Variants in BOLL observed in about 807,000 individuals in gnomAD.
BOLL encodes the protein protein boule-like.
In BOLL, 23 loss-of-function variants were observed where a neutral mutation model predicts 44.4. That is an observed-to-expected ratio of 0.52 (90% CI 0.37 to 0.73). The LOEUF (loss-of-function observed/expected upper bound fraction) is 0.73. BOLL is among the 30% of genes least tolerant of loss of function. The pLI, the probability that BOLL is intolerant of heterozygous loss-of-function variation, is 0.00. For missense variants in BOLL, 287 were observed against 338.3 expected, an observed-to-expected ratio of 0.85 and a Z score of 1.19; for synonymous variants, 97 against 110.8, an observed-to-expected ratio of 0.88 and a Z score of 0.78.
At chr2:197,747,173 T>A (rs770666) in intron 9 of BOLL, among the ~76,000 whole-genome samples, 75,153 of 151,896 alleles carry the variant, frequency 0.49, 19,240 homozygotes, top group African/African-American at 0.6. Flanking sequence ...GGGGTAATCA[T>A]TTCACAGTGT....
At chr2:197,732,586 G>C (rs1559388093) in intron 10 of BOLL, among the ~76,000 whole-genome samples, 2 of 143,054 alleles carry the variant, frequency 1.4e-5, no homozygotes, top group Non-Finnish European at 3.1e-5. Context: ...AATGAATCCA[G>C]CAGCACATCA....
intron 10 of BOLL, among the ~76,000 whole-genome samples, chr2:197,737,672 G>C (rs1687556236): frequency 6.6e-6 from 1 of 152,100 alleles, no homozygotes. Context: ...ATACTCAAAT[G>C]AGGAAATGGT....
chr2:197,741,804 T>C (rs574154870), intron 10 of BOLL, among the ~76,000 whole-genome samples: 130 of 152,022 alleles, frequency 8.6e-4, no homozygotes, highest in African/African-American at 3.0e-3. Context: ...AAGCCAAAAT[T>C]GACAAATGGG....
rs113904083 is a variant in BOLL, at chr2:197,775,093, C to G, written c.352+572G>C. 6.3e-3 allele frequency among the ~76,000 whole-genome samples: 950 copies of G among 151,702 alleles called. 17 individuals are homozygous for G. Among genetic ancestry groups the G allele is most frequent in the African/African-American group, 0.021 (889 of 41,422 alleles). On this transcript the variant is annotated intron_variant, in intron 5 of 10. Transcript: ENST00000392296. The stretch of plus-strand genomic sequence containing the variant: ...GGTAAAAAGTTAACTATAAAGATGC[C>G]TAACTTAATAAGTAGAAAGAGTGAG...
chr2:197,771,391 A>C (rs533654211), intron 6 of BOLL, among the ~76,000 whole-genome samples: 1 of 151,898 alleles, frequency 6.6e-6, no homozygotes, highest in Non-Finnish European at 1.5e-5. Context: ...AGATGTACCT[A>C]ATGTAAATGA....
At chr2:197,762,173 G>A (rs988651461) in intron 7 of BOLL, among the ~76,000 whole-genome samples, 2 of 152,006 alleles carry the variant, frequency 1.3e-5, no homozygotes, top group African/African-American at 4.8e-5. Context: ...GTGAAACCCC[G>A]TCTCTACTAA....
At chr2:197,784,690 A>T in intron 1 of BOLL, 1 of 978,262 alleles carries the variant, frequency 1.0e-6, no homozygotes, top group Non-Finnish European at 1.2e-6. Flanking sequence ...GGCCTCCCAA[A>T]GTGCTGGGAT....
At chr2:197,786,082 GC>G (rs1690061887), upstream of BOLL, 1 of 1,548,968 alleles carries the variant, frequency 6.5e-7, no homozygotes, top group Non-Finnish European at 8.7e-7. This position sits in a 1 kb window ranked among gnomAD's most constrained non-coding sequence, Gnocchi z 5.9. Flanking sequence ...CAAGGCAGCA[GC>G]GCTGCTTGTC....
chr2:197,729,681 A>C (rs2106304704), intron 10 of BOLL, among the ~76,000 whole-genome samples: 1 of 152,296 alleles, frequency 6.6e-6, no homozygotes, highest in African/African-American at 2.4e-5. Flanking sequence ...CCTAACTGGG[A>C]GGCACCCCCC....
Position 197,728,116 on chromosome 2 carries a change from AT to A in BOLL, c.*438del, listed in dbSNP as rs1686928683. On this transcript the variant is annotated 3_prime_UTR_variant, in exon 11 of 11. Transcript: ENST00000392296. Reference sequence around the variant, plus strand: ...ATACTGTTGTAAAATATATGAAAGTATTAAAAGTATTATAATTAAAAATGAT... The same window carrying A: ...ATACTGTTGTAAAATATATGAAAGTATAAAAGTATTATAATTAAAAATGAT... 5.2e-6 allele frequency: 1 copy of A among 190,844 alleles called. No individual in the cohort carries two copies. Among genetic ancestry groups the A allele is most frequent in the African/African-American group, 2.3e-5 (1 of 42,964 alleles). 11.8% of individuals were successfully genotyped at this position (190,844 alleles called of 1,614,324 possible). A position where few individuals can be genotyped will look rare whatever the true frequency, so the allele number is the denominator to read the frequency against.
rs1158391120 is a variant in BOLL, at chr2:197,728,445, T to A, written c.*110A>T. ...AGTATGGTGAGGTATTAACTAACACTAAGTTTCACAACGGGCAGCTTCTAG... is the reference window on the plus strand; with the variant it reads ...AGTATGGTGAGGTATTAACTAACACAAAGTTTCACAACGGGCAGCTTCTAG... On this transcript the variant is annotated 3_prime_UTR_variant, in exon 11 of 11. Coordinates refer to ENST00000392296, the MANE Select transcript of BOLL (RefSeq NM_033030.6). 1 of 1,547,288 alleles carries A rather than the reference T, an allele frequency of 6.5e-7. No homozygotes were observed. Among genetic ancestry groups the A allele is most frequent in the Admixed American group, 1.7e-5 (1 of 58,924 alleles).
Position 197,777,108 on chromosome 2 carries a change from C to T in BOLL, c.227G>A (p.Gly76Asp). The change falls in exon 4 of 11, where the codon GGT (glycine) becomes GAT (aspartate). Residue 76 changes from glycine to aspartate, a missense_variant. Physicochemically the swap from Gly to Asp is moderately conservative, Grantham distance 94. Transcript: ENST00000392296. ...NDRAGVSKGY[G>D]FVTFETQEDA... Reference sequence around the variant, plus strand: ...TTCTTGTGTTTCAAAAGTGACGAAACCATACCTAAATAAATGCATTAATTA... The same window carrying T: ...TTCTTGTGTTTCAAAAGTGACGAAATCATACCTAAATAAATGCATTAATTA... 1 of 1,549,414 alleles carries T rather than the reference C, an allele frequency of 6.5e-7. No homozygotes were observed. Among genetic ancestry groups the T allele is most frequent in the Non-Finnish European group, 8.8e-7 (1 of 1,133,518 alleles).
chr2:197,768,179 A>AT (rs969509802), intron 6 of BOLL, among the ~76,000 whole-genome samples: 1 of 152,080 alleles, frequency 6.6e-6, no homozygotes, highest in Non-Finnish European at 1.5e-5. Context: ...ATTTGACAAA[A>AT]TGTGTCACGC....
intron 1 of BOLL, among the ~76,000 whole-genome samples, chr2:197,783,186 G>A (rs946407965): frequency 1.3e-5 from 2 of 152,156 alleles, no homozygotes; most frequent in African/African-American, 4.8e-5. Context: ...TGGGTGTTGT[G>A]GCTTGTGCCT....
intron 9 of BOLL, among the ~76,000 whole-genome samples, chr2:197,751,035 T>C (rs1468110751): frequency 6.6e-6 from 1 of 152,174 alleles, no homozygotes; most frequent in African/African-American, 2.4e-5. Context: ...AACAATCTGC[T>C]CCTGAATGAC....
chr2:197,775,727 T>C lies in BOLL; in HGVS notation c.290A>G (p.Asn97Ser). The change falls in exon 5 of 11, where the codon AAT (asparagine) becomes AGT (serine). Residue 97 changes from asparagine (N) to serine (S), a missense_variant. Coordinates refer to ENST00000392296, the MANE Select transcript of BOLL (RefSeq NM_033030.6). ...QKILQEAEKLNYKDKKLNIGP... is the reference protein window; with the variant it reads ...QKILQEAEKLSYKDKKLNIGP... ...AATGTTCAGCTTCTTATCCTTATAA[T>C]TAAGTTTTTCAGCCTAAAATAAAGA... The C allele has an allele frequency of 6.5e-7, 1 of 1,541,176 alleles. No individual in the cohort carries two copies. The highest frequency in any genetic ancestry group is 1.4e-5 in the African/African-American group (1 of 71,698).
rs565917269 is a variant in BOLL, at chr2:197,751,695, T to C, written c.729+4733A>G. On this transcript the variant is annotated intron_variant, in intron 9 of 10. Transcript: ENST00000392296. ...AAAAGTCCAGGAGCAGACAGATTCA[T>C]AGCCGAATTCTACCAGAGGTACAAA... Among the ~76,000 whole-genome samples the C allele has an allele frequency of 2.0e-5, 3 of 152,256 alleles. No individual in the cohort carries two copies. In the East Asian group the frequency reaches 5.8e-4, roughly 29 times the overall value.
chr2:197,728,993 A>C (rs1440657360), intron 10 of BOLL, among the ~76,000 whole-genome samples: 6 of 152,224 alleles, frequency 3.9e-5, no homozygotes, highest in African/African-American at 1.4e-4. Context: ...GAATAGGAAC[A>C]GCTCCGGTCT....
At chr2:197,764,440 A>T (rs1311056792) in intron 7 of BOLL, among the ~76,000 whole-genome samples, 1 of 152,254 alleles carries the variant, frequency 6.6e-6, no homozygotes, top group Non-Finnish European at 1.5e-5. Context: ...CAGGAACAGA[A>T]AGTTAAACAA....
Sources: gnomAD v4.1 joint callset for allele counts (sites outside exome capture counted in the v4.1 genomes callset) on GRCh38, gnomAD v4.1.1 for gene constraint, Gnocchi (gnomAD v3.1) non-coding constraint, MANE v1.5 for transcripts, NCBI Gene and HGNC (gene_info 2026-07-23, HGNC 2026-07-21) for gene names.